PCDHGB1: variants seen among roughly 807,000 people sequenced by gnomAD.
PCDHGB1 encodes protocadherin gamma subfamily B, 1.
A neutral mutation model predicts 56.6 loss-of-function variants in PCDHGB1; 34 were observed. That is an observed-to-expected ratio of 0.60 (90% CI 0.46 to 0.80). PCDHGB1 has a LOEUF of 0.80. Ranked by LOEUF, PCDHGB1 falls within the 30% of genes least tolerant of loss-of-function variation. The pLI is 0.00. For synonymous variants in PCDHGB1, 561 were observed against 505.9 expected (o/e 1.11, Z -1.46); for missense variants, 1,278 against 1,204.6 (o/e 1.06, Z -0.90).
Position 141,351,901 on chromosome 5 carries a change from G to A in PCDHGB1, c.1641G>A (p.Leu547=), listed in dbSNP as rs760555793. 6.6e-5 allele frequency: 107 copies of A among 1,613,270 alleles called. No homozygotes were observed. Among genetic ancestry groups the A allele is most frequent in the Admixed American group, 2.5e-4 (15 of 59,986 alleles). The change falls in exon 1 of 4, where the codon TTG becomes TTA. Residue 547 remains leucine, a synonymous_variant. Transcript: ENST00000523390. ...GCGCCAACGTGAGCCTGCGCGTGTT[G>A]GTGGGCGACCTCAATGACAATGCGC... ...ALSANVSLRV[L]VGDLNDNAPR... is the part of the protein sequence containing the mutation.
intron 3 of PCDHGB1, among the ~76,000 whole-genome samples, chr5:141,507,590 T>C (rs531629336): frequency 1.3e-5 from 2 of 152,374 alleles, no homozygotes; most frequent in African/African-American, 4.8e-5. Context: ...AGTTGGCCTC[T>C]TGAGGGAAAT....
intron 1 of PCDHGB1, chr5:141,418,451 A>AG (rs2096259161): frequency 3.1e-6 from 5 of 1,614,046 alleles, no homozygotes; most frequent in Non-Finnish European, 4.2e-6. Context: ...AGTATTGCAG[A>AG]AGACTCTGGA....
intron 1 of PCDHGB1, chr5:141,407,937 C>G: frequency 2.0e-6 from 1 of 511,428 alleles, no homozygotes; most frequent in Non-Finnish European, 3.3e-6. Context: ...AGCCTCTGGG[C>G]GCCGCTGTCG....
intron 1 of PCDHGB1, among the ~76,000 whole-genome samples, chr5:141,448,117 A>G (rs564444141): frequency 6.6e-6 from 1 of 152,094 alleles, no homozygotes; most frequent in Non-Finnish European, 1.5e-5. Flanking sequence ...AAAGAAAATT[A>G]GCCTCCCCCA....
At chr5:141,367,696 AG>A (rs574151601) in intron 1 of PCDHGB1, 1 of 152,176 alleles carries the variant, frequency 6.6e-6, no homozygotes, top group Non-Finnish European at 1.5e-5. Flanking sequence ...ATCAGTGTAA[AG>A]GAACCTTAAG....
intron 1 of PCDHGB1, chr5:141,357,723 T>TA: frequency 7.2e-6 from 10 of 1,391,112 alleles, no homozygotes; most frequent in Middle Eastern, 3.8e-4. Context: ...AAGTTGCCTC[T>TA]TTTAATATTT....
intron 1 of PCDHGB1, among the ~76,000 whole-genome samples, chr5:141,363,455 C>A (rs1762933034): frequency 6.6e-6 from 1 of 152,226 alleles, no homozygotes; most frequent in Admixed American, 6.5e-5. Flanking sequence ...TACTTCTCGA[C>A]AAGTATCTGC....
intron 1 of PCDHGB1, chr5:141,399,774 C>A (rs758550367): frequency 1.2e-6 from 2 of 1,613,116 alleles, no homozygotes; most frequent in South Asian, 2.2e-5. Flanking sequence ...TGTTGGTGGG[C>A]GACCGAAACG....
chr5:141,419,621 G>T, intron 1 of PCDHGB1: 2 of 1,612,306 alleles, frequency 1.2e-6, no homozygotes, highest in Non-Finnish European at 1.7e-6. Context: ...AGGCTACCTG[G>T]TGACCAAGGT....
rs1476351537 is a variant in PCDHGB1, at chr5:141,351,378, G to C, written c.1118G>C (p.Gly373Ala). 6.2e-7 allele frequency: 1 copy of C among 1,612,216 alleles called. No individual in the cohort carries two copies. Among genetic ancestry groups the C allele is most frequent in the Admixed American group, 1.7e-5 (1 of 59,680 alleles). Residue 373 changes from glycine to alanine, a missense_variant, in exon 1 of 4, where the codon GGG becomes GCG. Physicochemically the swap from Gly to Ala is moderately conservative, Grantham distance 60 (BLOSUM62 0). Coordinates refer to ENST00000523390, the MANE Select transcript of PCDHGB1 (RefSeq NM_018922.3). The part of the protein sequence containing the change: ...ALIKVRDKDS[G>A]QNGMVTCYTQ... ...ATAAAAGTGCGAGACAAGGATTCTG[G>C]GCAAAATGGCATGGTGACATGCTAT... is the stretch of plus-strand genomic sequence containing the variant.
chr5:141,355,560 G>A, intron 1 of PCDHGB1: 1 of 1,614,024 alleles, frequency 6.2e-7, no homozygotes, highest in Admixed American at 1.7e-5. Flanking sequence ...TGCGGGTAGA[G>A]GTGGAAATAA....
At position 141,403,374 on chromosome 5, in the gene PCDHGB1, A is replaced by G. The variant is rs1448394920; in HGVS notation, c.2409+50705A>G. 3.1e-6 allele frequency: 5 copies of G among 1,613,936 alleles called. No individual in the cohort carries two copies. The African/African-American group carries it at 6.7e-5, about 22-fold the overall frequency. ...TTCCAGGCCGAAAGTCTGGAAGTAA[A>G]AATTAACGAAATCGCGGTTCCTGGA... On this transcript the variant is annotated intron_variant, in intron 1 of 3. Transcript: ENST00000523390.
chr5:141,420,191 CAAGAT>C, intron 1 of PCDHGB1: 1 of 1,613,720 alleles, frequency 6.2e-7, no homozygotes, highest in Non-Finnish European at 8.5e-7. Context: ...TCCAGCCACA[CAAGAT>C]AACCTCAACA....
In PCDHGB1 at chr5:141,398,540, T is replaced by C. The variant is rs372892054; in HGVS notation, c.2409+45871T>C. On this transcript the variant is annotated intron_variant, in intron 1 of 3. Transcript: ENST00000523390. The stretch of plus-strand genomic sequence containing the variant: ...ACGCCAAAATTCACGCAAAATTCCT[T>C]TGAGCTGCAAATAAGTGAGTCTGCA... 12 of 1,613,764 alleles carry C rather than the reference T, an allele frequency of 7.4e-6. No homozygotes were observed. The African/African-American group carries it at 1.2e-4, about 16-fold the overall frequency.
At position 141,486,408 on chromosome 5, in the gene PCDHGB1, C is replaced by G; in HGVS notation, c.2410-8399C>G. The G allele has an allele frequency of 1.2e-6, 2 of 1,614,156 alleles. No homozygotes were observed. The highest frequency in any genetic ancestry group is 1.7e-6 in the Non-Finnish European group (2 of 1,180,014). Reference sequence around the variant, plus strand: ...CAGTTCTCCCTGGTGACTGCTGGACCCTTGGATCGAGAGGCCAAATCTAGC... The same window carrying G: ...CAGTTCTCCCTGGTGACTGCTGGACGCTTGGATCGAGAGGCCAAATCTAGC... On this transcript the variant is annotated intron_variant, in intron 1 of 3. Transcript: ENST00000523390. This position sits in a 1 kb window ranked among gnomAD's most constrained non-coding sequence, Gnocchi z 5.0.
chr5:141,510,895 CTGT>C, intron 3 of PCDHGB1, 49 bp from the exon 4 acceptor site: 1 of 1,612,988 alleles, frequency 6.2e-7, no homozygotes, highest in Non-Finnish European at 8.5e-7. Flanking sequence ...AAGACAGTGA[CTGT>C]TGAGGACCCT....
At position 141,427,886 on chromosome 5, in the gene PCDHGB1, C is replaced by T. The variant is rs908553179; in HGVS notation, c.2410-66921C>T. The T allele has an allele frequency of 1.9e-6, 3 of 1,565,276 alleles. 1 individual carries two copies. On this transcript the variant is annotated intron_variant, in intron 1 of 3. Coordinates refer to ENST00000523390, the MANE Select transcript of PCDHGB1 (RefSeq NM_018922.3). ...TCGAGCTCACGATGCAGGCCCACGA[C>T]CAGGGCTCGCCCGCGCTCAGCGCCA...
In PCDHGB1 at chr5:141,395,340, G is replaced by C. The variant is rs529007241; in HGVS notation, c.2409+42671G>C. 3 of 1,419,480 alleles carry C rather than the reference G, an allele frequency of 2.1e-6. No individual in the cohort carries two copies. In the African/African-American group the frequency reaches 4.3e-5, roughly 20 times the overall value. The allele number at this position is 1,419,480 out of a possible 1,614,324, so 87.9% of individuals were successfully genotyped here. On this transcript the variant is annotated intron_variant, in intron 1 of 3. Transcript: ENST00000523390. ...GAAGATAGTTGAAAATAATTTTTAA[G>C]GTGTATCACAGAGTTTTGGGTTTAT...
intron 1 of PCDHGB1, among the ~76,000 whole-genome samples, chr5:141,474,082 CA>C (rs1449032579): frequency 1.3e-5 from 2 of 151,946 alleles, no homozygotes; most frequent in Non-Finnish European, 2.9e-5. Flanking sequence ...AAACAAAAAC[CA>C]AAAAACAAAC....
Sources: gnomAD v4.1 joint callset for allele counts (sites outside exome capture counted in the v4.1 genomes callset) on GRCh38, gnomAD v4.1.1 for gene constraint, Gnocchi (gnomAD v3.1) non-coding constraint, MANE v1.5 for transcripts, NCBI Gene and HGNC (gene_info 2026-07-23, HGNC 2026-07-21) for gene names.